Variants in ACAP2 observed in about 807,000 individuals in gnomAD.
The protein encoded by ACAP2 is arf-GAP with coiled-coil, ANK repeat and PH domain-containing protein 2.
In ACAP2, 39 loss-of-function variants were observed where a neutral mutation model predicts 115.8. That is an observed-to-expected ratio of 0.34 (90% CI 0.26 to 0.44). The LOEUF (loss-of-function observed/expected upper bound fraction) is 0.44, where lower values mean the gene tolerates loss of function less well. ACAP2 is among the 20% of genes least tolerant of loss of function. ACAP2 has a pLI of 1.00. For missense variants in ACAP2, 662 were observed against 927.6 expected, an observed-to-expected ratio of 0.71 and a Z score of 3.72; for synonymous variants, 289 against 315.8, an observed-to-expected ratio of 0.92 and a Z score of 0.90.
chr3:195,287,563 C>T (rs906926959), intron 21 of ACAP2, among the ~76,000 whole-genome samples: 2 of 152,086 alleles, frequency 1.3e-5, no homozygotes, highest in Admixed American at 6.5e-5. Context: ...AGCAACGCTC[C>T]CACCTCAATC....
intron 4 of ACAP2, chr3:195,356,191 G>A (rs1007057672): frequency 1.5e-5 from 7 of 456,678 alleles, no homozygotes; most frequent in East Asian, 7.0e-5. Context: ...CGCTGCACAC[G>A]GGGAAAGAGC....
At chr3:195,340,845 TC>T (rs1439992311) in intron 6 of ACAP2, among the ~76,000 whole-genome samples, 1 of 152,160 alleles carries the variant, frequency 6.6e-6, no homozygotes, top group African/African-American at 2.4e-5. Flanking sequence ...AATACACTAC[TC>T]CAGTCCAGTA....
chr3:195,395,714 T>A (rs1711708393), intron 1 of ACAP2, among the ~76,000 whole-genome samples: 1 of 152,150 alleles, frequency 6.6e-6, no homozygotes, highest in African/African-American at 2.4e-5. Context: ...TACAGAAAGT[T>A]TACTGACCAT....
chr3:195,384,768 C>T (rs924222455), intron 2 of ACAP2, among the ~76,000 whole-genome samples: 3 of 152,092 alleles, frequency 2.0e-5, no homozygotes, highest in African/African-American at 7.2e-5. Context: ...GAAACTAGTT[C>T]AGTGCATTCC....
chr3:195,402,768 A>G (rs1560333037), intron 1 of ACAP2, among the ~76,000 whole-genome samples: 1 of 152,236 alleles, frequency 6.6e-6, no homozygotes, highest in Non-Finnish European at 1.5e-5. Flanking sequence ...AATCAGAAAC[A>G]GGGAAAAGTT....
rs986594869 is a variant in ACAP2 at position 195,339,887 on chromosome 3, G to A, written c.528+2584C>T. 2.8e-4 allele frequency among the ~76,000 whole-genome samples: 43 copies of A among 151,682 alleles called. 1 individual carries two copies. The highest frequency in any genetic ancestry group is 1.0e-3 in the African/African-American group (42 of 41,396). On this transcript the variant is annotated intron_variant, in intron 6 of 22. Coordinates refer to ENST00000326793, the MANE Select transcript of ACAP2 (RefSeq NM_012287.6). ...CTACATATCTATTTTCTAACCACTG[G>A]ACTAGAGGCTAGGGATACAATCTAG...
chr3:195,438,050 G>A (rs189734498), intron 1 of ACAP2, among the ~76,000 whole-genome samples: 516 of 143,578 alleles, frequency 3.6e-3, no homozygotes, highest in Non-Finnish European at 5.3e-3. Context: ...TTTTGAGATG[G>A]AGTCTCACTC....
chr3:195,390,876 A>G (rs1734624791), intron 2 of ACAP2, among the ~76,000 whole-genome samples: 1 of 152,254 alleles, frequency 6.6e-6, no homozygotes, highest in African/African-American at 2.4e-5. Context: ...CAGTGGTTTC[A>G]GAAGTATCTA....
intron 7 of ACAP2, among the ~76,000 whole-genome samples, chr3:195,334,367 A>G (rs2108631883): frequency 6.6e-6 from 1 of 152,290 alleles, no homozygotes; most frequent in Admixed American, 6.5e-5. Context: ...TAAAAATTTA[A>G]AAAGAGGGAT....
At chr3:195,301,830 ACTT>A (rs1400726351) in intron 14 of ACAP2, 133 bp downstream of exon 14, 2 of 1,218,758 alleles carry the variant, frequency 1.6e-6, no homozygotes, top group Non-Finnish European at 2.3e-6. Flanking sequence ...GATTTTAACT[ACTT>A]CTTAAAAGGT....
At chr3:195,318,917 G>C (rs933237122) in intron 10 of ACAP2, among the ~76,000 whole-genome samples, 2 of 152,184 alleles carry the variant, frequency 1.3e-5, no homozygotes, top group African/African-American at 4.8e-5. Flanking sequence ...AAATCTTTGA[G>C]GCAGCCCCTC....
chr3:195,310,252 C>T (rs1376620522), intron 10 of ACAP2, among the ~76,000 whole-genome samples: 1 of 152,096 alleles, frequency 6.6e-6, no homozygotes, highest in Non-Finnish European at 1.5e-5. Flanking sequence ...AAAGAGGAAT[C>T]GCCTTTACCA....
intron 4 of ACAP2, among the ~76,000 whole-genome samples, chr3:195,351,957 TA>T (rs1293656700): frequency 6.6e-6 from 1 of 152,246 alleles, no homozygotes; most frequent in African/African-American, 2.4e-5. Context: ...ACTGCTGATG[TA>T]AAATAGCACA....
chr3:195,345,458 A>C (rs1359309147), intron 4 of ACAP2, 141 bp from the exon 5 acceptor site: 1 of 572,208 alleles, frequency 1.7e-6, no homozygotes, highest in Non-Finnish European at 3.1e-6. Flanking sequence ...CAAAAGAAAT[A>C]ACCATTTAAA....
intron 15 of ACAP2, among the ~76,000 whole-genome samples, chr3:195,299,551 A>T (rs1299680851): frequency 1.3e-5 from 2 of 149,826 alleles, no homozygotes; most frequent in African/African-American, 4.9e-5. Flanking sequence ...TCAAAAAAAA[A>T]AAAAAGGCCG....
intron 1 of ACAP2, among the ~76,000 whole-genome samples, chr3:195,406,640 AC>A (rs983794576): frequency 6.6e-6 from 1 of 152,194 alleles, no homozygotes; most frequent in Non-Finnish European, 1.5e-5. Flanking sequence ...CTTCTAAGCT[AC>A]AGGTTTGATC....
intron 21 of ACAP2, among the ~76,000 whole-genome samples, chr3:195,288,319 AGTT>A (rs1446485593): frequency 3.3e-5 from 5 of 152,188 alleles, no homozygotes; most frequent in Admixed American, 1.3e-4. Flanking sequence ...TCTTCCTCAG[AGTT>A]GTTGTGAGAA....
In ACAP2 at chr3:195,302,007, G is replaced by A. The variant is rs376571567; in HGVS notation, c.1284C>T (p.Asn428=). Residue 428 remains asparagine, a synonymous_variant, in exon 14 of 23, where the codon AAC becomes AAT. Transcript: ENST00000326793. ...ACTCGATACACAAGGTGATGCCCAG[G>A]TTGATGCTGGCCCACCGTGGATCTG... is the stretch of plus-strand genomic sequence containing the variant. ...GLADPRWASI[N]LGITLCIECS... The A allele has an allele frequency of 1.2e-6, 2 of 1,613,816 alleles. No homozygotes were observed. Among genetic ancestry groups the A allele is most frequent in the Non-Finnish European group, 1.7e-6 (2 of 1,180,020 alleles).
chr3:195,294,959 T>C (rs1428693809), intron 17 of ACAP2, 148 bp from the exon 18 acceptor site: 2 of 544,730 alleles, frequency 3.7e-6, no homozygotes, highest in African/African-American at 3.9e-5. Flanking sequence ...TTTAAGCCTT[T>C]TGAACACTTA....
Sources: gnomAD v4.1 joint callset for allele counts (sites outside exome capture counted in the v4.1 genomes callset) on GRCh38, gnomAD v4.1.1 for gene constraint, MANE v1.5 for transcripts, NCBI Gene and HGNC (gene_info 2026-07-23, HGNC 2026-07-21) for gene names.